CTNND2: variants seen among roughly 807,000 people sequenced by gnomAD.
CTNND2 encodes the protein catenin delta-2.
CTNND2 carries 22 observed loss-of-function variants against 144.4 expected under a neutral mutation model. That is an observed-to-expected ratio of 0.15 (90% confidence interval 0.11 to 0.22). The LOEUF is 0.22. CTNND2 is among the 10% of genes least tolerant of loss of function. The pLI is 1.00. For missense variants in CTNND2, 1,353 were observed against 1,618.8 expected (o/e 0.84, Z 2.82); for synonymous variants, 751 against 695.6 (o/e 1.08, Z -1.25).
chr5:11,705,714 T>G (rs1422960080), intron 2 of CTNND2, among the ~76,000 whole-genome samples: 1 of 152,184 alleles, frequency 6.6e-6, no homozygotes, highest in Non-Finnish European at 1.5e-5. Context: ...CCTTGATCCT[T>G]TTTCTTCTAT....
intron 1 of CTNND2, among the ~76,000 whole-genome samples, chr5:11,888,000 C>T (rs569558730): frequency 4.6e-5 from 7 of 152,144 alleles, no homozygotes; most frequent in Non-Finnish European, 8.8e-5. Context: ...TTACTCATAT[C>T]CTTGGATGCT....
At chr5:11,502,810 G>T (rs919443015) in intron 3 of CTNND2, among the ~76,000 whole-genome samples, 3 of 152,000 alleles carry the variant, frequency 2.0e-5, no homozygotes, top group African/African-American at 4.8e-5. Context: ...AACACCAAAA[G>T]AATTTATTAA....
intron 2 of CTNND2, among the ~76,000 whole-genome samples, chr5:11,648,246 G>A (rs1782466223): frequency 1.4e-5 from 2 of 146,530 alleles, no homozygotes; most frequent in Non-Finnish European, 3.0e-5. Context: ...ATGCTACCAA[G>A]ATAAACTGAA....
At chr5:11,727,632 T>C (rs930784861) in intron 2 of CTNND2, among the ~76,000 whole-genome samples, 10 of 152,220 alleles carry the variant, frequency 6.6e-5, no homozygotes, top group African/African-American at 1.4e-4. Context: ...GGTAGCACTA[T>C]GCTATGGATA....
At chr5:11,407,242 C>T (rs993545781) in intron 5 of CTNND2, among the ~76,000 whole-genome samples, 4 of 152,068 alleles carry the variant, frequency 2.6e-5, no homozygotes, top group African/African-American at 7.2e-5. Context: ...TCCACTGAAG[C>T]GACAGCAGTC....
At chr5:11,773,499 T>C (rs1375219292) in intron 1 of CTNND2, among the ~76,000 whole-genome samples, 4 of 152,182 alleles carry the variant, frequency 2.6e-5, no homozygotes, top group Admixed American at 2.6e-4. Flanking sequence ...CAAGTTTCCA[T>C]ATATAAGGAC....
At chr5:11,223,712 C>A (rs747182122) in intron 10 of CTNND2, among the ~76,000 whole-genome samples, 1 of 152,138 alleles carries the variant, frequency 6.6e-6, no homozygotes, top group Non-Finnish European at 1.5e-5. Flanking sequence ...ACATCTGATG[C>A]GTCCCTGACA....
At chr5:11,778,695 G>A (rs1449515133) in intron 1 of CTNND2, among the ~76,000 whole-genome samples, 17 of 152,120 alleles carry the variant, frequency 1.1e-4, no homozygotes, top group Non-Finnish European at 2.9e-5. Flanking sequence ...AAAGTAATGT[G>A]GTGTCCTGAA....
chr5:11,798,206 G>A (rs1791500046), intron 1 of CTNND2, among the ~76,000 whole-genome samples: 1 of 150,008 alleles, frequency 6.7e-6, no homozygotes, highest in Non-Finnish European at 1.5e-5. Flanking sequence ...AGGTTGCAGT[G>A]AGCTGAGATG....
intron 12 of CTNND2, among the ~76,000 whole-genome samples, chr5:11,124,448 C>T (rs926638556): frequency 6.6e-6 from 1 of 152,078 alleles, no homozygotes; most frequent in African/African-American, 2.4e-5. Flanking sequence ...TTTCTCGATT[C>T]CACGAAGCAC....
intron 1 of CTNND2, among the ~76,000 whole-genome samples, chr5:11,797,310 C>T (rs1791455657): frequency 6.6e-6 from 1 of 152,164 alleles, no homozygotes; most frequent in African/African-American, 2.4e-5. Context: ...CAGCCTGGCA[C>T]TTGCCTGCGT....
At chr5:11,644,707 T>C (rs1782258825) in intron 2 of CTNND2, among the ~76,000 whole-genome samples, 1 of 151,220 alleles carries the variant, frequency 6.6e-6, no homozygotes, top group African/African-American at 2.4e-5. Flanking sequence ...AAGCAATATA[T>C]GTTATTTAAT....
At chr5:11,095,022 C>T (rs1362195674) in intron 15 of CTNND2, among the ~76,000 whole-genome samples, 1 of 152,176 alleles carries the variant, frequency 6.6e-6, no homozygotes, top group Non-Finnish European at 1.5e-5. Context: ...GAGGCTATTG[C>T]CAGAAAATAT....
intron 11 of CTNND2, among the ~76,000 whole-genome samples, chr5:11,171,224 G>T (rs1759869605): frequency 6.6e-6 from 1 of 152,054 alleles, no homozygotes; most frequent in Admixed American, 6.6e-5. Context: ...TTAGAAGAGG[G>T]GTACTGATCT....
rs534083331 is a variant in CTNND2 at position 11,311,213 on chromosome 5, C to A, written c.1628+35159G>T. On this transcript the variant is annotated intron_variant, in intron 9 of 21. Coordinates refer to ENST00000304623, the MANE Select transcript of CTNND2 (RefSeq NM_001332.4). ...TCCCCATACACCCTCACCCCACATG[C>A]CCTCACACTTCCCATGCACCCTCAA... is the stretch of plus-strand genomic sequence containing the variant. 9.8e-5 allele frequency among the ~76,000 whole-genome samples: 14 copies of A among 142,594 alleles called. No homozygotes were observed. The South Asian group carries it at 2.4e-3, about 24-fold the overall frequency. 93.5% of individuals were successfully genotyped at this position (142,594 alleles called of 152,430 possible).
intron 9 of CTNND2, among the ~76,000 whole-genome samples, chr5:11,307,105 C>CT (rs112645224): frequency 0.038 from 5,603 of 146,602 alleles, 353 homozygotes; most frequent in African/African-American, 0.12. Flanking sequence ...ATCCCAAAGC[C>CT]TTTTTTTTTT....
At chr5:11,415,099 C>T (rs1361235406) in intron 3 of CTNND2, among the ~76,000 whole-genome samples, 3 of 152,110 alleles carry the variant, frequency 2.0e-5, no homozygotes, top group Non-Finnish European at 4.4e-5. Flanking sequence ...AATTCATATT[C>T]CTCTGTAATG....
At chr5:11,108,141 G>C (rs1387377810) in intron 14 of CTNND2, among the ~76,000 whole-genome samples, 2 of 152,184 alleles carry the variant, frequency 1.3e-5, no homozygotes, top group East Asian at 1.9e-4. Context: ...GAAAGATAGA[G>C]GGGATGTTTT....
chr5:11,103,691 A>T (rs1336617636), intron 14 of CTNND2, among the ~76,000 whole-genome samples: 1 of 151,726 alleles, frequency 6.6e-6, no homozygotes, highest in African/African-American at 2.4e-5. Flanking sequence ...AAAACAAAAA[A>T]ACCCCTGAAA....
Sources: gnomAD v4.1 joint callset for allele counts (sites outside exome capture counted in the v4.1 genomes callset) on GRCh38, gnomAD v4.1.1 for gene constraint, MANE v1.5 for transcripts, NCBI Gene and HGNC (gene_info 2026-07-23, HGNC 2026-07-21) for gene names.